Variants in NUP160 observed in about 807,000 individuals in gnomAD.
The protein encoded by NUP160 is nucleoporin 160, also known as nuclear pore complex protein Nup160.
Under a neutral mutation model 196.9 loss-of-function variants are expected in NUP160, and 94 were observed. The observed-to-expected ratio is 0.48, with a 90% CI of 0.40 to 0.57. NUP160 has a LOEUF of 0.57. NUP160 is among the 20% of genes least tolerant of loss of function. The pLI, the probability that NUP160 is intolerant of heterozygous loss-of-function variation, is 0.00. For synonymous variants in NUP160, 605 were observed against 619.7 expected (o/e 0.98, Z 0.35); for missense variants, 1,638 against 1,748.3 (o/e 0.94, Z 1.13).
rs2097676325 is a variant in NUP160, at chr11:47,804,548, C to T, written c.2676+1G>A. 3 of 1,531,228 alleles carry T rather than the reference C, an allele frequency of 2.0e-6. No homozygotes were observed. The highest frequency in any genetic ancestry group is 2.6e-6 in the Non-Finnish European group (3 of 1,146,430). The allele number at this position is 1,531,228 out of a possible 1,614,324, so 94.9% of individuals were successfully genotyped here. A position where few individuals can be genotyped will look rare whatever the true frequency, so the allele number is the denominator to read the frequency against. Reference sequence around the variant, plus strand: ...GACATGAAATGTTCAAAGGAACTCACCTGCAATTGTACATATTGGCAATTT... The same window carrying T: ...GACATGAAATGTTCAAAGGAACTCATCTGCAATTGTACATATTGGCAATTT... On this transcript the variant is annotated splice_donor_variant, in intron 21 of 35. Coordinates refer to ENST00000378460, the Ensembl canonical transcript of NUP160. LOFTEE classifies it high-confidence loss of function.
At chr11:47,827,207 CA>C in intron 7 of NUP160, 1 of 451,798 alleles carries the variant, frequency 2.2e-6, no homozygotes, top group Non-Finnish European at 4.4e-6. Context: ...ACCAAAAATA[CA>C]AAAAAATTAG....
chr11:47,795,933 C>T (rs894163430), intron 27 of NUP160, among the ~76,000 whole-genome samples: 2 of 151,928 alleles, frequency 1.3e-5, no homozygotes, highest in Non-Finnish European at 2.9e-5. Context: ...GGGTGGATCA[C>T]CTGAGGTCAG....
intron 7 of NUP160, among the ~76,000 whole-genome samples, chr11:47,824,914 C>T (rs565790856): frequency 6.6e-6 from 1 of 151,842 alleles, no homozygotes; most frequent in African/African-American, 2.4e-5. Context: ...CGGCTCACTG[C>T]GAGCTCCACC....
intron 4 of NUP160, 99 bp from the exon 5 acceptor site, chr11:47,837,722 T>C (rs1852204677): frequency 1.2e-6 from 1 of 821,986 alleles, no homozygotes; most frequent in Non-Finnish European, 2.1e-6. Flanking sequence ...GGCAACAGAC[T>C]TCCGTATTTC....
At chr11:47,819,513 G>T in intron 9 of NUP160, 55 bp from the exon 10 acceptor site, 1 of 1,270,542 alleles carries the variant, frequency 7.9e-7, no homozygotes, top group Non-Finnish European at 1.2e-6. Flanking sequence ...AAAATGAAAT[G>T]TATGCTGTTG....
At chr11:47,808,929 G>A (rs908391887) in intron 17 of NUP160, among the ~76,000 whole-genome samples, 5 of 151,840 alleles carry the variant, frequency 3.3e-5, no homozygotes, top group African/African-American at 7.3e-5. Flanking sequence ...GTGAAACCCC[G>A]TCTGTAGTAA....
At chr11:47,826,113 T>C (rs1372526049) in intron 7 of NUP160, among the ~76,000 whole-genome samples, 1 of 152,016 alleles carries the variant, frequency 6.6e-6, no homozygotes, top group South Asian at 2.1e-4. Context: ...GGACATAAAA[T>C]CAATTTAGCA....
At chr11:47,835,972 C>T (rs147051596) in intron 6 of NUP160, among the ~76,000 whole-genome samples, 163 bp from the exon 7 acceptor site, 2 of 152,258 alleles carry the variant, frequency 1.3e-5, no homozygotes, top group East Asian at 3.9e-4. Flanking sequence ...ACAGGCCGGG[C>T]GCAGTGGCTC....
At chr11:47,837,555 T>C (rs895956886) in exon 5 of NUP160, 5 of 1,613,804 alleles carry the variant, frequency 3.1e-6, no homozygotes, top group Admixed American at 1.7e-5. Context: ...CTGATAGCTG[T>C]TGGCATCCAG....
chr11:47,807,390 G>A (rs1278215148), intron 18 of NUP160, among the ~76,000 whole-genome samples: 1 of 152,206 alleles, frequency 6.6e-6, no homozygotes, highest in Admixed American at 6.5e-5. Flanking sequence ...TCTCGGCGGG[G>A]TGTGGTGGCT....
At chr11:47,829,670 G>C (rs1204450974) in intron 7 of NUP160, among the ~76,000 whole-genome samples, 2 of 152,150 alleles carry the variant, frequency 1.3e-5, no homozygotes, top group Non-Finnish European at 2.9e-5. Flanking sequence ...GGGCACATGA[G>C]AAGACTGAAG....
At chr11:47,788,551 C>T (rs781637948) in exon 30 of NUP160, 16 of 1,613,888 alleles carry the variant, frequency 9.9e-6, no homozygotes, top group African/African-American at 4.0e-5. Context: ...GAGGCGGATG[C>T]GAGCCAAGGA....
intron 28 of NUP160, chr11:47,792,226 C>G: frequency 2.4e-6 from 1 of 422,060 alleles, no homozygotes; most frequent in Non-Finnish European, 4.2e-6. Flanking sequence ...ATTTGATCTC[C>G]ATGTAAATCA....
Position 47,826,430 on chromosome 11 carries a change from C to T in NUP160, c.1102-4266G>A, listed in dbSNP as rs530578770. Among the ~76,000 whole-genome samples the T allele has an allele frequency of 5.3e-5, 8 of 152,196 alleles. No individual in the cohort carries two copies. The South Asian group carries it at 1.2e-3, about 24-fold the overall frequency. ...CAAAACAAAGGAAGTAATAGCTCTG[C>T]TCAATTTGACACACTCCTGAACTAC... On this transcript the variant is annotated intron_variant, in intron 7 of 35. Transcript: ENST00000378460.
At chr11:47,778,343 T>G (rs2097658735) in exon 36 of NUP160, 1 of 152,620 alleles carries the variant, frequency 6.6e-6, no homozygotes, top group South Asian at 2.1e-4. Flanking sequence ...CAATGAAGTT[T>G]ACATTTTGGT....
chr11:47,818,208 C>G, intron 10 of NUP160, 84 bp from the exon 11 acceptor site: 1 of 843,782 alleles, frequency 1.2e-6, no homozygotes, highest in Non-Finnish European at 2.0e-6. Flanking sequence ...TGAGTTTCTA[C>G]TATATGAACA....
intron 29 of NUP160, among the ~76,000 whole-genome samples, chr11:47,789,878 T>TGACCAGAAGCCTTACTGAC (rs2097666903): frequency 6.6e-6 from 1 of 151,840 alleles, no homozygotes; most frequent in Non-Finnish European, 1.5e-5. Flanking sequence ...AGCCTACTAC[T>TGACCAGAAGCCTTACTGAC]GACCAGAAGC....
At position 47,813,014 on chromosome 11, in the gene NUP160, A is replaced by G. The variant is rs370854632; in HGVS notation, c.1820T>C (p.Ile607Thr). 5.5e-5 allele frequency: 89 copies of G among 1,611,762 alleles called. No homozygotes were observed. In the African/African-American group the frequency reaches 1.0e-3, roughly 18 times the overall value. The change falls in exon 15 of 36, where the codon ATA (isoleucine) becomes ACA (threonine). Residue 607 changes from isoleucine to threonine, a missense_variant. By Grantham distance (89) the Ile-to-Thr change is moderately conservative (BLOSUM62 -1). This residue lies in a region of NUP160 where 1,345 missense variants were observed against 1,470.2 expected (regional missense o/e 0.91). Coordinates refer to ENST00000378460, the Ensembl canonical transcript of NUP160. ...CTCTTCAATCAGCCGGAGGCATTTT[A>G]TAAGACATATGACATCCCGAGCGAT...
chr11:47,806,440 G>A, intron 19 of NUP160, 128 bp from the exon 20 acceptor site: 2 of 676,622 alleles, frequency 3.0e-6, no homozygotes, highest in South Asian at 2.0e-5. Flanking sequence ...ATGTATCACG[G>A]GTATATATCC....
Sources: allele counts gnomAD v4.1 joint callset (sites outside exome capture counted in the v4.1 genomes callset), GRCh38; gene constraint gnomAD v4.1.1; regional missense constraint gnomAD v4.1.1; transcripts MANE v1.5; gene names NCBI Gene and HGNC (gene_info 2026-07-23, HGNC 2026-07-21).